The following SMO variants were observed in gnomAD, a reference collection of about 807,000 sequenced individuals.
The protein encoded by SMO is protein smoothened.
Under a neutral mutation model 81.6 loss-of-function variants are expected in SMO, and 40 were observed. The ratio of observed to expected loss-of-function variants is 0.49; its 90% CI spans 0.38 to 0.64. The LOEUF (loss-of-function observed/expected upper bound fraction) is 0.64, where lower values mean the gene tolerates loss of function less well. SMO is among the 30% of genes least tolerant of loss of function. SMO has a pLI of 0.00. For synonymous variants in SMO, 434 were observed against 432.1 expected (o/e 1.00, Z -0.05); for missense variants, 916 against 1,061.1 (o/e 0.86, Z 1.90).
chr7:129,197,012 G>A (rs1232869015), intron 1 of SMO, among the ~76,000 whole-genome samples: 6 of 69,750 alleles, frequency 8.6e-5, no homozygotes, highest in African/African-American at 2.0e-4. Context: ...GTGAGACACC[G>A]TCTCAAAAAA....
chr7:129,193,481 G>A (rs368664261), intron 1 of SMO, among the ~76,000 whole-genome samples: 6 of 151,886 alleles, frequency 4.0e-5, no homozygotes, highest in South Asian at 2.1e-4. Context: ...ATATATGGCC[G>A]GGCGCGGTGG....
At chr7:129,198,724 C>T (rs1439214446) in intron 1 of SMO, among the ~76,000 whole-genome samples, 2 of 152,178 alleles carry the variant, frequency 1.3e-5, no homozygotes, top group African/African-American at 2.4e-5. Flanking sequence ...ACATGCTGTA[C>T]AGGTTTGCAG....
intron 1 of SMO, among the ~76,000 whole-genome samples, chr7:129,195,011 G>T (rs984743121): frequency 6.6e-6 from 1 of 152,122 alleles, no homozygotes; most frequent in Non-Finnish European, 1.5e-5. Flanking sequence ...TCAAACTCCT[G>T]ACTTCAGGTG....
intron 1 of SMO, among the ~76,000 whole-genome samples, chr7:129,190,857 C>G (rs548096170): frequency 6.6e-6 from 1 of 152,148 alleles, no homozygotes; most frequent in African/African-American, 2.4e-5. Flanking sequence ...ATATACACTT[C>G]TTTTACGATG....
intron 2 of SMO, among the ~76,000 whole-genome samples, chr7:129,204,507 A>T (rs964954178): frequency 6.7e-6 from 1 of 149,874 alleles, no homozygotes; most frequent in African/African-American, 2.5e-5. Context: ...TTAGCCAGAC[A>T]TGGTGGTGGG....
Position 129,213,224 on chromosome 7 carries a change from G to C in SMO, c.*773G>C, listed in dbSNP as rs571499214. The C allele has an allele frequency of 2.1e-5, 5 of 233,456 alleles. No individual in the cohort carries two copies. In the South Asian group the frequency reaches 9.0e-4, roughly 42 times the overall value. 14.5% of individuals were successfully genotyped at this position (233,456 alleles called of 1,614,324 possible). ...ACAGGAGAGACTGGTTCAGCTCTAG[G>C]GCCTCAGTCTGGAGTGGGATAGGAG... On this transcript the variant is annotated 3_prime_UTR_variant, in exon 12 of 12. Transcript: ENST00000249373.
rs1304019949 is a variant in SMO, at chr7:129,208,603, C to A, written c.1265-156C>A. Among the ~76,000 whole-genome samples, 1 of 152,100 alleles carries A rather than the reference C, an allele frequency of 6.6e-6. No homozygotes were observed. The highest frequency in any genetic ancestry group is 2.4e-5 in the African/African-American group (1 of 41,426). ...CTAGGCTCTGCCCTGGTCTTCTCAC[C>A]ATTTCTCCAGTGTCTCTAGCTCCCC... On this transcript the variant is annotated intron_variant, in intron 6 of 11. Coordinates refer to ENST00000249373, the MANE Select transcript of SMO (RefSeq NM_005631.5). The surrounding 1 kb of genome is among the most constrained non-coding windows in gnomAD (Gnocchi z 5.2).
At chr7:129,195,706 A>G (rs1793561695) in intron 1 of SMO, among the ~76,000 whole-genome samples, 1 of 152,214 alleles carries the variant, frequency 6.6e-6, no homozygotes, top group Non-Finnish European at 1.5e-5. Context: ...TGTAATAACA[A>G]CTATAATATC....
At chr7:129,207,970 TA>T (rs1250610407) in intron 6 of SMO, among the ~76,000 whole-genome samples, 20 of 149,428 alleles carry the variant, frequency 1.3e-4, no homozygotes, top group Admixed American at 1.2e-3. Flanking sequence ...CACACTGTAT[TA>T]AAAAAAAAAC....
intron 1 of SMO, among the ~76,000 whole-genome samples, chr7:129,194,885 G>A (rs997021830): frequency 2.0e-5 from 3 of 151,998 alleles, no homozygotes; most frequent in African/African-American, 7.3e-5. Flanking sequence ...GGGTTCAAAC[G>A]ATTCTCCTGC....
In SMO at chr7:129,209,290, C is replaced by T. The variant is rs2150652755; in HGVS notation, c.1359C>T (p.Gly453=). The T allele has an allele frequency of 1.2e-6, 2 of 1,602,914 alleles. No individual in the cohort carries two copies. The highest frequency in any genetic ancestry group is 1.7e-6 in the Non-Finnish European group (2 of 1,169,738). Residue 453 remains glycine (G), a splice_region_variant and synonymous_variant, in exon 8 of 12, where the codon GGC becomes GGT. Transcript: ENST00000249373. ...SKINETMLRL[G]IFGFLAFGFV... is the part of the protein sequence containing the mutation. ...CTGTCCTGCCCCTGTCCTCCACAGGCATTTTTGGCTTCCTGGCCTTTGGCT... is the reference window on the plus strand; with the variant it reads ...CTGTCCTGCCCCTGTCCTCCACAGGTATTTTTGGCTTCCTGGCCTTTGGCT...
chr7:129,200,938 T>C (rs1485248488), intron 1 of SMO, among the ~76,000 whole-genome samples: 2 of 152,206 alleles, frequency 1.3e-5, no homozygotes, highest in African/African-American at 4.8e-5. Context: ...GGTTTCACCA[T>C]GTTGGCCAGG....
chr7:129,204,715 C>T (rs1263313590), intron 2 of SMO, among the ~76,000 whole-genome samples: 1 of 151,534 alleles, frequency 6.6e-6, no homozygotes, highest in Non-Finnish European at 1.5e-5. Flanking sequence ...TAAGTACTAC[C>T]ATCTTAGAAA....
At chr7:129,190,526 G>C (rs144641286) in intron 1 of SMO, among the ~76,000 whole-genome samples, 120 of 152,344 alleles carry the variant, frequency 7.9e-4, no homozygotes, top group African/African-American at 2.4e-3. Flanking sequence ...CTTTTGACAG[G>C]GCTGGGGTAC....
rs1584665275 is a variant in SMO at position 129,210,578 on chromosome 7, T to C, written c.1652+30T>C. The C allele has an allele frequency of 5.1e-6, 8 of 1,561,306 alleles. No individual in the cohort carries two copies. Among genetic ancestry groups the C allele is most frequent in the Non-Finnish European group, 7.1e-6 (8 of 1,133,230 alleles). ...GCATGGCAGCCAGCCCCTCCTGCCC[T>C]GCCCGCCTCACCCTCAGCCTTGGGA... On this transcript the variant is annotated intron_variant, in intron 9 of 11. Coordinates refer to ENST00000249373, the MANE Select transcript of SMO (RefSeq NM_005631.5). This position sits in a 1 kb window ranked among gnomAD's most constrained non-coding sequence, Gnocchi z 4.7.
In SMO at chr7:129,189,323, C is replaced by T. The variant is rs1319274889; in HGVS notation, c.172C>T (p.Pro58Ser). ...GAGGAGCGCGGCGGTGACTGGCCCT[C>T]CGCCGCCGCTGAGCCACTGCGGCCG... ...ARRSAAVTGP[P>S]PPLSHCGRAA... The change falls in exon 1 of 12, where the codon CCG (proline) becomes TCG (serine). Residue 58 changes from proline to serine, a missense_variant. Coordinates refer to ENST00000249373, the MANE Select transcript of SMO (RefSeq NM_005631.5). This position sits in a 1 kb window ranked among gnomAD's most constrained non-coding sequence, Gnocchi z 4.7. 1 of 1,502,164 alleles carries T rather than the reference C, an allele frequency of 6.7e-7. No individual in the cohort carries two copies. Among genetic ancestry groups the T allele is most frequent in the South Asian group, 1.2e-5 (1 of 81,086 alleles). 93.1% of individuals were successfully genotyped at this position (1,502,164 alleles called of 1,614,324 possible).
In SMO at chr7:129,203,314, CAG is replaced by C. The variant is rs1473781404; in HGVS notation, c.332-69_332-68del. ...TGCAGTGTGGCAAAGGCCTGGAGGA[CAG>C]GGGTGAAGCTGCGTCTGTGGGTCAG... On this transcript the variant is annotated intron_variant, in intron 1 of 11. Transcript: ENST00000249373. 13 of 1,200,432 alleles carry C rather than the reference CAG, an allele frequency of 1.1e-5. No homozygotes were observed. In the East Asian group the frequency reaches 1.5e-4, roughly 14 times the overall value. 74.4% of individuals were successfully genotyped at this position (1,200,432 alleles called of 1,614,324 possible).
chr7:129,198,718 G>A (rs867896949), intron 1 of SMO, among the ~76,000 whole-genome samples: 4 of 152,330 alleles, frequency 2.6e-5, no homozygotes, highest in Middle Eastern at 3.4e-3. Flanking sequence ...ATAGCAACAT[G>A]CTGTACAGGT....
Position 129,211,092 on chromosome 7 carries a change from G to A in SMO, c.1780G>A (p.Val594Met), listed in dbSNP as rs2150654829. 1 of 1,611,718 alleles carries A rather than the reference G, an allele frequency of 6.2e-7. No homozygotes were observed. The highest frequency in any genetic ancestry group is 1.3e-5 in the African/African-American group (1 of 75,004). The change falls in exon 10 of 12, where the codon GTG (valine) becomes ATG (methionine). Residue 594 changes from valine (V) to methionine (M), a missense_variant. By Grantham distance (21) the Val-to-Met change is conservative. Around this residue, in one of 4 missense-constraint regions of SMO, gnomAD observed 324 missense variants for 312.9 expected, o/e 1.04. Coordinates refer to ENST00000249373, the MANE Select transcript of SMO (RefSeq NM_005631.5). This position sits in a 1 kb window ranked among gnomAD's most constrained non-coding sequence, Gnocchi z 4.6. ...GGAGCTGTCCTTCAGCATGCACACT[G>A]TGTCCCACGACGGGCCCGTGGGTGA... ...GQELSFSMHT[V>M]SHDGPVAGLA...
Sources: gnomAD v4.1 joint callset for allele counts (sites outside exome capture counted in the v4.1 genomes callset) on GRCh38, gnomAD v4.1.1 for gene constraint, gnomAD v4.1.1 regional missense constraint, Gnocchi (gnomAD v3.1) non-coding constraint, MANE v1.5 for transcripts, NCBI Gene and HGNC (gene_info 2026-07-23, HGNC 2026-07-21) for gene names.